The following SH3RF2 variants were observed in gnomAD, a reference collection of about 807,000 sequenced individuals.
SH3RF2 encodes E3 ubiquitin-protein ligase SH3RF2.
Under a neutral mutation model 59.0 loss-of-function variants are expected in SH3RF2, and 43 were observed. That is an observed-to-expected ratio of 0.73 (90% CI 0.57 to 0.94). The LOEUF (loss-of-function observed/expected upper bound fraction) is 0.94. Ranked by LOEUF, SH3RF2 falls within the 40% of genes least tolerant of loss-of-function variation. The probability of loss-of-function intolerance (pLI) is 0.00; values close to 1 mark genes in which losing one functional copy is unlikely to be tolerated. For synonymous variants in SH3RF2, 391 were observed against 391.5 expected, an observed-to-expected ratio of 1.00 and a Z score of 0.01; for missense variants, 930 against 940.1, an observed-to-expected ratio of 0.99 and a Z score of 0.14.
At position 145,938,045 on chromosome 5, in the gene SH3RF2, G is replaced by A. The variant is rs751326223; in HGVS notation, c.117G>A (p.Arg39=). The A allele has an allele frequency of 1.2e-5, 20 of 1,614,112 alleles. No individual in the cohort carries two copies. Among genetic ancestry groups the A allele is most frequent in the Non-Finnish European group, 1.7e-5 (20 of 1,180,034 alleles). ...CCTTCTGCAAACCATGTCTACAGAG[G>A]GTTTTCAAGGCCCACAAAGAGCTGC... is the stretch of plus-strand genomic sequence containing the variant. ...QHTFCKPCLQ[R]VFKAHKELRC... The change falls in exon 2 of 10, where the codon AGG becomes AGA. Residue 39 remains arginine (R), a synonymous_variant. Coordinates refer to ENST00000359120, the MANE Select transcript of SH3RF2 (RefSeq NM_152550.4).
In SH3RF2 at chr5:145,938,070, C is replaced by CG; in HGVS notation, c.144dup (p.Cys49ValfsTer13). ...GGTTTTCAAGGCCCACAAAGAGCTGCGGTGCCCCGAATGCAGGACGCCTGT... is the reference window on the plus strand; with the variant it reads ...GGTTTTCAAGGCCCACAAAGAGCTGCGGGTGCCCCGAATGCAGGACGCCTGT... On this transcript the variant is annotated frameshift_variant, in exon 2 of 10. Transcript: ENST00000359120. LOFTEE classifies it high-confidence loss of function. 2 of 1,614,232 alleles carry CG rather than the reference C, an allele frequency of 1.2e-6. No individual in the cohort carries two copies. The highest frequency in any genetic ancestry group is 1.7e-6 in the Non-Finnish European group (2 of 1,180,032).
intron 7 of SH3RF2, among the ~76,000 whole-genome samples, chr5:146,055,668 G>T (rs1185766435): frequency 6.6e-6 from 1 of 152,136 alleles, no homozygotes; most frequent in East Asian, 1.9e-4. Flanking sequence ...AGAGCTAAAG[G>T]GATGTGGGGT....
intron 2 of SH3RF2, among the ~76,000 whole-genome samples, chr5:145,983,873 G>GC (rs1465316681): frequency 1.3e-5 from 2 of 152,140 alleles, no homozygotes; most frequent in East Asian, 3.8e-4. Context: ...AAATAATGGA[G>GC]CCTTTTTAAA....
chr5:145,971,871 AATGATG>A (rs148965709), intron 2 of SH3RF2, among the ~76,000 whole-genome samples: 5,784 of 150,688 alleles, frequency 0.038, 339 homozygotes, highest in African/African-American at 0.13. Context: ...TAATAGTGAT[AATGATG>A]ATGATGATGA....
At chr5:146,073,595 C>T (rs1580960626) in intron 9 of SH3RF2, among the ~76,000 whole-genome samples, 1 of 152,222 alleles carries the variant, frequency 6.6e-6, no homozygotes, top group African/African-American at 2.4e-5. Context: ...ACTCCATCTC[C>T]ATTTAAAGTC....
chr5:146,056,670 T>C (rs1762682544), intron 8 of SH3RF2, among the ~76,000 whole-genome samples: 1 of 152,180 alleles, frequency 6.6e-6, no homozygotes, highest in Non-Finnish European at 1.5e-5. Flanking sequence ...ATTCCCACCA[T>C]GTTATTTAAG....
At chr5:146,020,884 T>G (rs1205215078) in intron 5 of SH3RF2, among the ~76,000 whole-genome samples, 1 of 152,136 alleles carries the variant, frequency 6.6e-6, no homozygotes, top group African/African-American at 2.4e-5. Context: ...AGGATGATAA[T>G]GACAAGTCCA....
chr5:145,952,433 T>G (rs1296119585), intron 2 of SH3RF2, among the ~76,000 whole-genome samples: 1 of 152,214 alleles, frequency 6.6e-6, no homozygotes, highest in Non-Finnish European at 1.5e-5. Context: ...TTCCTCTAAG[T>G]TCTGCCGGGC....
At position 146,047,821 on chromosome 5, in the gene SH3RF2, T is replaced by C. The variant is rs759923213; in HGVS notation, c.1109T>C (p.Val370Ala). Residue 370 changes from valine to alanine, a missense_variant, in exon 6 of 10, where the codon GTG becomes GCG. Val to Ala is a moderately conservative substitution (Grantham distance 64). Transcript: ENST00000359120. ...GTCTCTCCAGGACATTCCACAGCCGTGGTCAGTCTGCCTGGCTCCCAGCAA... is the reference window on the plus strand; with the variant it reads ...GTCTCTCCAGGACATTCCACAGCCGCGGTCAGTCTGCCTGGCTCCCAGCAA... ...APVSPGHSTAVVSLPGSQQHL... is the reference protein window; with the variant it reads ...APVSPGHSTAAVSLPGSQQHL... 2 of 1,614,108 alleles carry C rather than the reference T, an allele frequency of 1.2e-6. No individual in the cohort carries two copies. Among genetic ancestry groups the C allele is most frequent in the Admixed American group, 3.3e-5 (2 of 60,012 alleles).
intron 5 of SH3RF2, among the ~76,000 whole-genome samples, chr5:146,036,331 C>T (rs767804951): frequency 2.6e-5 from 4 of 152,116 alleles, no homozygotes; most frequent in Non-Finnish European, 5.9e-5. Context: ...GCAGGAGGAT[C>T]GCTTGAGCTC....
At chr5:146,066,855 G>T (rs1293597147), downstream of SH3RF2, among the ~76,000 whole-genome samples, 3 of 152,142 alleles carry the variant, frequency 2.0e-5, no homozygotes, top group Non-Finnish European at 2.9e-5. Flanking sequence ...CTCAACTAAG[G>T]TTCAGACAGT....
Position 145,985,236 on chromosome 5 carries a change from A to G in SH3RF2, c.379-14822A>G, listed in dbSNP as rs553903593. Among the ~76,000 whole-genome samples, 66 of 152,382 alleles carry G rather than the reference A, an allele frequency of 4.3e-4. 1 individual carries two copies. In the South Asian group the frequency reaches 0.012, roughly 27 times the overall value. On this transcript the variant is annotated intron_variant, in intron 2 of 9. Coordinates refer to ENST00000359120, the MANE Select transcript of SH3RF2 (RefSeq NM_152550.4). ...AACTTCCCAGGGCTTGTGGTCTCCAACAAGGGTCATGCTAGGCTTTTTCTT... is the reference window on the plus strand; with the variant it reads ...AACTTCCCAGGGCTTGTGGTCTCCAGCAAGGGTCATGCTAGGCTTTTTCTT...
intron 2 of SH3RF2, among the ~76,000 whole-genome samples, chr5:145,958,302 G>C (rs745367080): frequency 3.9e-5 from 6 of 152,132 alleles, no homozygotes; most frequent in Non-Finnish European, 8.8e-5. Context: ...AGTTGTTCCA[G>C]AGTCAACTCA....
chr5:146,052,648 GATCTCTCTA>G (rs527295659), intron 7 of SH3RF2, among the ~76,000 whole-genome samples: 77 of 152,144 alleles, frequency 5.1e-4, no homozygotes, highest in Non-Finnish European at 8.1e-4. Context: ...TTTCCTTGAT[GATCTCTCTA>G]ATGCAAAAAA....
chr5:146,017,099 A>G (rs1227769204), intron 5 of SH3RF2, among the ~76,000 whole-genome samples: 2 of 152,138 alleles, frequency 1.3e-5, no homozygotes, highest in Non-Finnish European at 2.9e-5. Context: ...GTGTCTTTCT[A>G]CCTGTGGGAA....
chr5:146,004,624 G>T (rs1760561863), intron 4 of SH3RF2, among the ~76,000 whole-genome samples: 2 of 151,890 alleles, frequency 1.3e-5, no homozygotes, highest in Non-Finnish European at 2.9e-5. Flanking sequence ...TGAAAAAAGT[G>T]TCTCTCTATG....
chr5:146,079,263 C>CTAA (rs1763389057), exon 10 of SH3RF2: 1 of 151,998 alleles, frequency 6.6e-6, no homozygotes, highest in Non-Finnish European at 1.5e-5. Flanking sequence ...AAGAACAAGC[C>CTAA]ATTAGAAGAC....
intron 2 of SH3RF2, among the ~76,000 whole-genome samples, chr5:145,992,167 T>C (rs1289240616): frequency 6.6e-6 from 1 of 151,762 alleles, no homozygotes; most frequent in Non-Finnish European, 1.5e-5. Context: ...ACCTTAGGAG[T>C]TTGAGACCAG....
At chr5:145,996,587 A>T (rs1333465601) in intron 2 of SH3RF2, among the ~76,000 whole-genome samples, 1 of 152,188 alleles carries the variant, frequency 6.6e-6, no homozygotes, top group Non-Finnish European at 1.5e-5. Context: ...CTTCCTAATG[A>T]TCCAAATGCT....
Sources: allele counts gnomAD v4.1 joint callset (sites outside exome capture counted in the v4.1 genomes callset), GRCh38; gene constraint gnomAD v4.1.1; transcripts MANE v1.5; gene names NCBI Gene and HGNC (gene_info 2026-07-23, HGNC 2026-07-21).